ACBD3: variants seen among roughly 807,000 people sequenced by gnomAD.
ACBD3 encodes acyl-CoA binding domain containing 3.
Under a neutral mutation model 66.9 loss-of-function variants are expected in ACBD3, and 30 were observed. The ratio of observed to expected loss-of-function variants is 0.45; its 90% confidence interval spans 0.34 to 0.61. ACBD3 has a LOEUF of 0.61. ACBD3 is among the 20% of genes least tolerant of loss of function. The pLI, the probability that ACBD3 is intolerant of heterozygous loss-of-function variation, is 0.02. For synonymous variants in ACBD3, 278 were observed against 259.8 expected, an observed-to-expected ratio of 1.07 and a Z score of -0.68; for missense variants, 544 against 664.5, an observed-to-expected ratio of 0.82 and a Z score of 1.99.
intron 3 of ACBD3, among the ~76,000 whole-genome samples, chr1:226,163,128 T>C (rs906719653): frequency 3.3e-5 from 5 of 152,166 alleles, no homozygotes; most frequent in Non-Finnish European, 5.9e-5. Flanking sequence ...TGACCTACTT[T>C]TAATGTGTCA....
chr1:226,152,605 T>C lies in ACBD3; in HGVS notation c.1105A>G (p.Ile369Val), dbSNP rs916103284. 4 of 1,613,664 alleles carry C rather than the reference T, an allele frequency of 2.5e-6. No homozygotes were observed. The highest frequency in any genetic ancestry group is 3.4e-6 in the Non-Finnish European group (4 of 1,179,780). The stretch of plus-strand genomic sequence containing the variant: ...CGTGTCCACATGGATGGAGCTGCTA[T>C]TACTGGAAGAGATTCTAAAGGCAAT... ...ENGPKESLPV[I>V]AAPSMWTRPQ... Residue 369 changes from isoleucine (I) to valine (V), a missense_variant, in exon 7 of 8, where the codon ATA (isoleucine) becomes GTA (valine). Ile to Val is a conservative substitution (Grantham distance 29). Around this residue, in one of 3 missense-constraint regions of ACBD3, gnomAD observed 383 missense variants for 462.4 expected, o/e 0.83. Transcript: ENST00000366812.
At chr1:226,149,723 G>T (rs1459870932) in intron 7 of ACBD3, among the ~76,000 whole-genome samples, 1 of 150,154 alleles carries the variant, frequency 6.7e-6, no homozygotes, top group Admixed American at 6.6e-5. Context: ...TGTATTTTTG[G>T]TAGAGACAGG....
chr1:226,172,155 CAAAAAA>C (rs779380166), intron 1 of ACBD3, among the ~76,000 whole-genome samples: 4 of 43,232 alleles, frequency 9.3e-5, no homozygotes, highest in Non-Finnish European at 1.7e-4. Flanking sequence ...AACTCCATCT[CAAAAAA>C]AAAAAAAAAG....
chr1:226,165,301 G>A (rs558318202), intron 2 of ACBD3, among the ~76,000 whole-genome samples: 6 of 151,862 alleles, frequency 4.0e-5, no homozygotes, highest in Non-Finnish European at 5.9e-5. Flanking sequence ...CTCCCGAGTA[G>A]GTAGGATTAC....
chr1:226,172,068 T>C (rs1660003291), intron 1 of ACBD3, among the ~76,000 whole-genome samples: 1 of 140,016 alleles, frequency 7.1e-6, no homozygotes, highest in African/African-American at 2.7e-5. Context: ...AGCAGGAGAG[T>C]TGCTTGAACC....
intron 1 of ACBD3, among the ~76,000 whole-genome samples, chr1:226,178,719 A>C (rs1231498327): frequency 6.6e-6 from 1 of 152,182 alleles, no homozygotes; most frequent in Non-Finnish European, 1.5e-5. Flanking sequence ...TAATGAAAGA[A>C]GGCCATAAAA....
Position 226,154,785 on chromosome 1 carries a change from G to A in ACBD3, c.952C>T (p.Pro318Ser). 1 of 1,612,342 alleles carries A rather than the reference G, an allele frequency of 6.2e-7. No individual in the cohort carries two copies. The highest frequency in any genetic ancestry group is 2.2e-5 in the East Asian group (1 of 44,792). ...GTTGCATTCACTTTTGATGATGTAG[G>A]CAAGGAAGACCCAGCCACTACTACT... The part of the protein sequence containing the change: ...QEVVVAGSSL[P>S]TSSKVNATVP... The change falls in exon 6 of 8, where the codon CCT (proline) becomes TCT (serine). Residue 318 changes from proline to serine, a missense_variant. Coordinates refer to ENST00000366812, the MANE Select transcript of ACBD3 (RefSeq NM_022735.4).
intron 3 of ACBD3, among the ~76,000 whole-genome samples, chr1:226,162,378 G>T (rs988859245): frequency 3.3e-5 from 5 of 151,944 alleles, no homozygotes; most frequent in Non-Finnish European, 7.4e-5. Context: ...TGGGAAAAAA[G>T]ATTTTTTTCA....
intron 5 of ACBD3, among the ~76,000 whole-genome samples, chr1:226,155,371 C>T (rs936846286): frequency 4.0e-5 from 6 of 148,878 alleles, no homozygotes; most frequent in Non-Finnish European, 5.9e-5. Context: ...GACCTGAGAT[C>T]GTGCCATTGC....
At chr1:226,177,953 G>T (rs1394975703) in intron 1 of ACBD3, among the ~76,000 whole-genome samples, 1 of 151,210 alleles carries the variant, frequency 6.6e-6, no homozygotes, top group African/African-American at 2.4e-5. Flanking sequence ...TTCCCATATT[G>T]CGCAGGCTGG....
chr1:226,150,055 ATTTTTTTTTT>A (rs78400240), intron 7 of ACBD3, among the ~76,000 whole-genome samples: 1 of 133,556 alleles, frequency 7.5e-6, no homozygotes, highest in Non-Finnish European at 1.6e-5. Flanking sequence ...ATTTTTTTTA[ATTTTTTTTTT>A]TTTTTTTTAG....
intron 3 of ACBD3, among the ~76,000 whole-genome samples, chr1:226,162,971 AT>A (rs200178888): frequency 2.7e-5 from 4 of 147,484 alleles, no homozygotes; most frequent in Admixed American, 1.4e-4. Context: ...TAATTTTTGT[AT>A]TTTTTTTTTG....
At chr1:226,175,369 T>C (rs1656006036) in intron 1 of ACBD3, among the ~76,000 whole-genome samples, 1 of 152,116 alleles carries the variant, frequency 6.6e-6, no homozygotes, top group African/African-American at 2.4e-5. Flanking sequence ...CTAACCACAA[T>C]AGGAAAAGAC....
intron 1 of ACBD3, among the ~76,000 whole-genome samples, chr1:226,173,996 T>G (rs1655950585): frequency 6.6e-6 from 1 of 151,964 alleles, no homozygotes; most frequent in South Asian, 2.1e-4. Context: ...ACTCCTGACA[T>G]CAGGTAATCC....
intron 2 of ACBD3, 73 bp from the exon 3 acceptor site, chr1:226,165,002 T>G: frequency 7.2e-7 from 1 of 1,396,644 alleles, no homozygotes; most frequent in East Asian, 2.4e-5. Context: ...AACCTAAATA[T>G]GAATAATTCT....
intron 1 of ACBD3, among the ~76,000 whole-genome samples, chr1:226,171,168 G>A (rs1659986670): frequency 6.7e-6 from 1 of 149,338 alleles, no homozygotes; most frequent in Non-Finnish European, 1.5e-5. Flanking sequence ...TTTTTTCTGA[G>A]ACAGACTCTC....
At chr1:226,175,118 AAAAGAAAAAAG>A (rs1656001614) in intron 1 of ACBD3, among the ~76,000 whole-genome samples, 1 of 151,656 alleles carries the variant, frequency 6.6e-6, no homozygotes, top group South Asian at 2.1e-4. Flanking sequence ...AAAAGAAAGA[AAAAGAAAAAAG>A]AAAGCAATGA....
In ACBD3 at chr1:226,158,106, T is replaced by C. The variant is rs146276009; in HGVS notation, c.903+1078A>G. ...GGCATCTTTTCCTCCTCTTCAGGAT[T>C]ACAAAAAACTTGCAGTGCTTTTTAA... is the stretch of plus-strand genomic sequence containing the variant. On this transcript the variant is annotated intron_variant, in intron 5 of 7. Transcript: ENST00000366812. Among the ~76,000 whole-genome samples, 740 of 152,370 alleles carry C rather than the reference T, an allele frequency of 4.9e-3. 9 individuals are homozygous for C. Among genetic ancestry groups the C allele is most frequent in the African/African-American group, 0.017 (701 of 41,588 alleles).
chr1:226,154,591 T>C, intron 6 of ACBD3, 56 bp downstream of exon 6: 1 of 1,536,174 alleles, frequency 6.5e-7, no homozygotes, highest in Non-Finnish European at 8.8e-7. Context: ...TCATGACTTT[T>C]GCCTTTCACA....
Sources: gnomAD v4.1 joint callset for allele counts (sites outside exome capture counted in the v4.1 genomes callset) on GRCh38, gnomAD v4.1.1 for gene constraint, gnomAD v4.1.1 regional missense constraint, MANE v1.5 for transcripts, NCBI Gene and HGNC (gene_info 2026-07-23, HGNC 2026-07-21) for gene names.